ATXN1: variants seen among roughly 807,000 people sequenced by gnomAD.
ATXN1 encodes the protein ataxin-1.
Under a neutral mutation model 56.4 loss-of-function variants are expected in ATXN1, and 8 were observed. The ratio of observed to expected loss-of-function variants is 0.14; its 90% CI spans 0.08 to 0.26. The LOEUF (loss-of-function observed/expected upper bound fraction) is 0.26. Among genes scored for constraint, ATXN1 ranks in the 10% least tolerant of loss-of-function variants. The pLI, the probability that ATXN1 is intolerant of heterozygous loss-of-function variation, is 1.00. For synonymous variants in ATXN1, 514 were observed against 494.6 expected (o/e 1.04, Z -0.52); for missense variants, 987 against 1,106.5 (o/e 0.89, Z 1.53).
intron 6 of ATXN1, among the ~76,000 whole-genome samples, chr6:16,364,818 C>T (rs1475136363): frequency 1.4e-5 from 2 of 146,558 alleles, no homozygotes; most frequent in Non-Finnish European, 3.0e-5. Flanking sequence ...TCAACATTTA[C>T]GTGCCAGGCA....
intron 6 of ATXN1, among the ~76,000 whole-genome samples, chr6:16,405,596 C>T (rs894649587): frequency 1.3e-5 from 2 of 152,170 alleles, no homozygotes; most frequent in Admixed American, 6.5e-5. Context: ...AAAATGTTAG[C>T]GCTGGAATGG....
At chr6:16,621,706 C>T (rs1418159608) in intron 3 of ATXN1, among the ~76,000 whole-genome samples, 1 of 152,116 alleles carries the variant, frequency 6.6e-6, no homozygotes, top group Non-Finnish European at 1.5e-5. Flanking sequence ...GAGCGAGATT[C>T]CATCTCAAAA....
intron 3 of ATXN1, among the ~76,000 whole-genome samples, chr6:16,590,884 C>T (rs1762710451): frequency 6.6e-6 from 1 of 151,546 alleles, no homozygotes; most frequent in Admixed American, 6.6e-5. Context: ...CTCCTGTTGC[C>T]CAGGCTGGAG....
intron 3 of ATXN1, among the ~76,000 whole-genome samples, chr6:16,592,146 A>G (rs978046713): frequency 6.6e-6 from 1 of 152,094 alleles, no homozygotes; most frequent in African/African-American, 2.4e-5. Flanking sequence ...CTGTTTCAGA[A>G]TAAGCGACGA....
chr6:16,602,151 G>A (rs1165707949), intron 3 of ATXN1, among the ~76,000 whole-genome samples: 8 of 151,972 alleles, frequency 5.3e-5, no homozygotes, highest in Non-Finnish European at 7.4e-5. Flanking sequence ...GTTGTCTTCC[G>A]CAAAATCATA....
At chr6:16,689,007 CAT>C (rs1198614432) in intron 2 of ATXN1, among the ~76,000 whole-genome samples, 1 of 151,570 alleles carries the variant, frequency 6.6e-6, no homozygotes, top group Non-Finnish European at 1.5e-5. Flanking sequence ...AATATGTGCG[CAT>C]ATGTGTACGT....
intron 6 of ATXN1, among the ~76,000 whole-genome samples, chr6:16,435,906 T>TG (rs1759378202): frequency 6.6e-6 from 1 of 151,030 alleles, no homozygotes; most frequent in Admixed American, 6.6e-5. Context: ...TTCTTTTTCT[T>TG]TTTTTTTTGG....
chr6:16,503,534 C>T (rs963311878), intron 5 of ATXN1, among the ~76,000 whole-genome samples: 2 of 152,182 alleles, frequency 1.3e-5, no homozygotes, highest in African/African-American at 4.8e-5. Flanking sequence ...TGGACACAGT[C>T]TTAACTCCAC....
At chr6:16,702,421 A>G (rs1230264310) in intron 2 of ATXN1, among the ~76,000 whole-genome samples, 3 of 152,212 alleles carry the variant, frequency 2.0e-5, no homozygotes, top group Non-Finnish European at 2.9e-5. Flanking sequence ...GGACATAGGC[A>G]TGGGCAACGA....
At chr6:16,580,978 G>C (rs964467857) in intron 4 of ATXN1, among the ~76,000 whole-genome samples, 2 of 152,058 alleles carry the variant, frequency 1.3e-5, no homozygotes, top group African/African-American at 4.8e-5. Context: ...AATATCAGTA[G>C]GATTTTCTTA....
intron 6 of ATXN1, among the ~76,000 whole-genome samples, chr6:16,426,264 G>C (rs1759151888): frequency 9.2e-6 from 1 of 109,110 alleles, no homozygotes; most frequent in South Asian, 3.0e-4. Flanking sequence ...AAAAGGAGGA[G>C]AGGGCTGGTG....
intron 6 of ATXN1, among the ~76,000 whole-genome samples, chr6:16,448,154 T>A (rs897485910): frequency 1.3e-5 from 2 of 152,214 alleles, no homozygotes; most frequent in Admixed American, 1.3e-4. Flanking sequence ...GAAACCCTCC[T>A]CCTCTTTTTT....
intron 4 of ATXN1, among the ~76,000 whole-genome samples, chr6:16,555,497 C>T (rs1001531088): frequency 6.6e-6 from 1 of 152,190 alleles, no homozygotes; most frequent in Non-Finnish European, 1.5e-5. Context: ...TCAAACTCAA[C>T]ACTAAGGCAG....
At chr6:16,494,082 AGGCATCTCCAGTGCAGGGCTGGACTGAG>A (rs1760725116) in intron 5 of ATXN1, among the ~76,000 whole-genome samples, 5 of 10,796 alleles carry the variant, frequency 4.6e-4, no homozygotes, top group Admixed American at 4.5e-3. Context: ...TCCCATGGAG[AGGCATCTCCAGTGCAGGGCTGGACTGAG>A]AGGCATCTCC....
chr6:16,591,241 G>A (rs1339123559), intron 3 of ATXN1, among the ~76,000 whole-genome samples: 1 of 152,168 alleles, frequency 6.6e-6, no homozygotes, highest in African/African-American at 2.4e-5. Context: ...ACAGGTGTGA[G>A]CCACAGTGCC....
intron 6 of ATXN1, among the ~76,000 whole-genome samples, chr6:16,355,827 G>T (rs191214539): frequency 2.4e-4 from 36 of 152,200 alleles, no homozygotes; most frequent in Non-Finnish European, 4.1e-4. Flanking sequence ...GCCTCCCAAA[G>T]TGCTGGGATT....
chr6:16,416,743 AGTTCATG>A (rs1758916611), intron 6 of ATXN1, among the ~76,000 whole-genome samples: 1 of 152,204 alleles, frequency 6.6e-6, no homozygotes, highest in African/African-American at 2.4e-5. Flanking sequence ...TTCACCGCTT[AGTTCATG>A]GTTCCTATCT....
intron 6 of ATXN1, among the ~76,000 whole-genome samples, chr6:16,479,539 A>G (rs1760393653): frequency 6.6e-6 from 1 of 152,232 alleles, no homozygotes; most frequent in South Asian, 2.1e-4. Context: ...ATAATTAAAA[A>G]ATGAAGTTAC....
intron 6 of ATXN1, among the ~76,000 whole-genome samples, chr6:16,468,727 T>G (rs989073202): frequency 3.9e-5 from 6 of 152,140 alleles, no homozygotes; most frequent in Admixed American, 3.9e-4. Context: ...GTTAACAATG[T>G]CCTAAGAGAA....
Sources: gnomAD v4.1 joint callset for allele counts (sites outside exome capture counted in the v4.1 genomes callset) on GRCh38, gnomAD v4.1.1 for gene constraint, MANE v1.5 for transcripts, NCBI Gene and HGNC (gene_info 2026-07-23, HGNC 2026-07-21) for gene names.